HLF: variants seen among roughly 807,000 people sequenced by gnomAD.
The protein encoded by HLF is hepatic leukemia factor.
Under a neutral mutation model 22.6 loss-of-function variants are expected in HLF, and 3 were observed. The observed-to-expected ratio is 0.13, with a 90% CI of 0.06 to 0.34. HLF has a LOEUF of 0.34. HLF is among the 10% of genes least tolerant of loss of function. HLF has a pLI of 1.00. For missense variants in HLF, 299 were observed against 389.2 expected (o/e 0.77, Z 1.95); for synonymous variants, 151 against 151.8 (o/e 0.99, Z 0.04).
chr17:55,286,510 G>A (rs1196107024), intron 2 of HLF, among the ~76,000 whole-genome samples: 1 of 152,126 alleles, frequency 6.6e-6, no homozygotes, highest in Non-Finnish European at 1.5e-5. Context: ...CTTGTAGGTG[G>A]CCACCTGAAG....
chr17:55,303,588 G>C (rs746895176), intron 2 of HLF, among the ~76,000 whole-genome samples: 1 of 152,172 alleles, frequency 6.6e-6, no homozygotes, highest in Non-Finnish European at 1.5e-5. Flanking sequence ...CAGCCAACAA[G>C]GAGACAGGAT....
intron 2 of HLF, among the ~76,000 whole-genome samples, chr17:55,306,098 G>A (rs938156337): frequency 2.6e-5 from 4 of 152,084 alleles, no homozygotes; most frequent in Admixed American, 6.6e-5. Context: ...GCTCATGTTT[G>A]TAATCCCAGC....
chr17:55,281,699 T>C (rs1464529191), intron 2 of HLF, among the ~76,000 whole-genome samples: 3 of 152,238 alleles, frequency 2.0e-5, no homozygotes, highest in Non-Finnish European at 4.4e-5. Flanking sequence ...CAACTCATAT[T>C]AGAAATGATA....
Position 55,324,095 on chromosome 17 carries a change from T to G in HLF, c.*3216T>G, listed in dbSNP as rs1338039884. 4 of 227,434 alleles carry G rather than the reference T, an allele frequency of 1.8e-5. No individual in the cohort carries two copies. In the East Asian group the frequency reaches 2.5e-4, roughly 14 times the overall value. The allele number at this position is 227,434 out of a possible 1,614,324, so 14.1% of individuals were successfully genotyped here. On this transcript the variant is annotated 3_prime_UTR_variant, in exon 4 of 4. Transcript: ENST00000226067. ...CTTTCTCTTCAGGAAGTGGCCACTT[T>G]GAACCATTCAAATACCACATTAGGC...
intron 1 of HLF, among the ~76,000 whole-genome samples, chr17:55,266,525 C>T (rs1174492651): frequency 6.6e-6 from 1 of 152,220 alleles, no homozygotes; most frequent in Non-Finnish European, 1.5e-5. Flanking sequence ...GGAGTACTTG[C>T]ACCTTCTTTT....
chr17:55,288,670 C>G (rs986217227), intron 2 of HLF, among the ~76,000 whole-genome samples: 2 of 151,382 alleles, frequency 1.3e-5, no homozygotes, highest in Admixed American at 1.3e-4. Flanking sequence ...GTGGGAGGAT[C>G]GCTTGAGCCC....
intron 2 of HLF, among the ~76,000 whole-genome samples, chr17:55,287,082 AG>A (rs777703998): frequency 2.0e-5 from 3 of 152,092 alleles, no homozygotes; most frequent in Non-Finnish European, 4.4e-5. Context: ...ATCAGGGGGG[AG>A]GCAGGGGAGA....
chr17:55,300,411 A>G (rs1010354558), intron 2 of HLF, among the ~76,000 whole-genome samples: 3 of 152,204 alleles, frequency 2.0e-5, no homozygotes, highest in Non-Finnish European at 2.9e-5. Flanking sequence ...TAATCAGATT[A>G]TAACATCTGC....
intron 2 of HLF, among the ~76,000 whole-genome samples, chr17:55,313,180 T>G (rs1904913140): frequency 6.6e-6 from 1 of 152,176 alleles, no homozygotes. Flanking sequence ...ATGGGAAGTG[T>G]TATTGTTAGA....
intron 2 of HLF, among the ~76,000 whole-genome samples, chr17:55,297,062 A>T (rs538017844): frequency 6.6e-6 from 1 of 152,298 alleles, no homozygotes; most frequent in East Asian, 1.9e-4. Context: ...TTCAGATCCA[A>T]ATTGCAAGAT....
intron 2 of HLF, among the ~76,000 whole-genome samples, chr17:55,290,988 CA>C (rs1203768975): frequency 6.6e-6 from 1 of 152,136 alleles, no homozygotes; most frequent in Admixed American, 6.5e-5. Context: ...AAGCCTAATC[CA>C]GAGCCAGGGC....
rs895738869 is a variant in HLF, at chr17:55,324,692, T to C, written c.*3813T>C. On this transcript the variant is annotated 3_prime_UTR_variant, in exon 4 of 4. Coordinates refer to ENST00000226067, the MANE Select transcript of HLF (RefSeq NM_002126.5). The stretch of plus-strand genomic sequence containing the variant: ...AGGCCAAGGTCTCCTCCACGTTTTT[T>C]CTGCAATTAATAATGTCATTTAAAA... The C allele has an allele frequency of 1.6e-4, 38 of 233,032 alleles. No individual in the cohort carries two copies. The highest frequency in any genetic ancestry group is 2.6e-4 in the Non-Finnish European group (31 of 117,878). The allele number at this position is 233,032 out of a possible 1,614,324, so 14.4% of individuals were successfully genotyped here. A position where few individuals can be genotyped will look rare whatever the true frequency, so the allele number is the denominator to read the frequency against.
chr17:55,314,515 G>C (rs1473769532), intron 2 of HLF, among the ~76,000 whole-genome samples: 1 of 152,038 alleles, frequency 6.6e-6, no homozygotes, highest in Non-Finnish European at 1.5e-5. Flanking sequence ...ACTGACATTT[G>C]GATTGTTCAA....
chr17:55,317,777 A>T (rs150619075), intron 3 of HLF, among the ~76,000 whole-genome samples: 60 of 152,308 alleles, frequency 3.9e-4, no homozygotes, highest in Admixed American at 1.9e-3. Flanking sequence ...ACTAAAAATG[A>T]TCTTCCCTGT....
chr17:55,290,974 G>A (rs2081056337), intron 2 of HLF, among the ~76,000 whole-genome samples: 1 of 152,168 alleles, frequency 6.6e-6, no homozygotes, highest in Non-Finnish European at 1.5e-5. Context: ...ATTCCCTTAA[G>A]CCAAAGCCTA....
Position 55,320,627 on chromosome 17 carries a change from A to G in HLF, c.673-37A>G, listed in dbSNP as rs1336479669. On this transcript the variant is annotated intron_variant, in intron 3 of 3. Coordinates refer to ENST00000226067, the MANE Select transcript of HLF (RefSeq NM_002126.5). This position sits in a 1 kb window ranked among gnomAD's most constrained non-coding sequence, Gnocchi z 4.2. ...GCACTGGGCTTTGCTGAAATCTAAT[A>G]TCTTGTTTCTTTTTCCCTTCTGTAA... The G allele has an allele frequency of 6.3e-7, 1 of 1,597,262 alleles. No homozygotes were observed. Among genetic ancestry groups the G allele is most frequent in the Non-Finnish European group, 8.6e-7 (1 of 1,166,584 alleles).
chr17:55,265,864 G>T, intron 1 of HLF: 1 of 1,234,600 alleles, frequency 8.1e-7, no homozygotes. Flanking sequence ...CCTGCGGCGC[G>T]GGTGGGAGGT....
intron 2 of HLF, among the ~76,000 whole-genome samples, chr17:55,312,100 C>T (rs1469812003): frequency 6.6e-6 from 1 of 152,204 alleles, no homozygotes; most frequent in Non-Finnish European, 1.5e-5. Flanking sequence ...CGTGTCTTTG[C>T]TATTGTGAAT....
Position 55,324,287 on chromosome 17 carries a change from G to T in HLF, c.*3408G>T, listed in dbSNP as rs903066107. 6.2e-5 allele frequency: 14 copies of T among 227,216 alleles called. No individual in the cohort carries two copies. The highest frequency in any genetic ancestry group is 8.7e-6 in the Non-Finnish European group (1 of 114,322). The allele number at this position is 227,216 out of a possible 1,614,324, so 14.1% of individuals were successfully genotyped here. A position where few individuals can be genotyped will look rare whatever the true frequency, so the allele number is the denominator to read the frequency against. ...GAGGTTCCTTCTAACCCACTGGTTT[G>T]GTGGGGAACTCACAGTAATTCCAAA... On this transcript the variant is annotated 3_prime_UTR_variant, in exon 4 of 4. Coordinates refer to ENST00000226067, the MANE Select transcript of HLF (RefSeq NM_002126.5).
Sources: gnomAD v4.1 joint callset for allele counts (sites outside exome capture counted in the v4.1 genomes callset) on GRCh38, gnomAD v4.1.1 for gene constraint, Gnocchi (gnomAD v3.1) non-coding constraint, MANE v1.5 for transcripts, NCBI Gene and HGNC (gene_info 2026-07-23, HGNC 2026-07-21) for gene names.